Variants in LIMS4 observed in about 807,000 individuals in gnomAD.
LIMS4 encodes the protein LIM zinc finger domain containing 4.
At chr2:110,395,726 T>C in the LIMS4 span, among the ~76,000 whole-genome samples, 2 of 80,448 alleles carry the variant, frequency 2.5e-5, no homozygotes, top group African/African-American at 1.3e-4. Context: ...TCATGGGTGA[T>C]GGAACAGCCC....
At chr2:110,386,392 T>C in the LIMS4 span, 4 of 303,024 alleles carry the variant, frequency 1.3e-5, no homozygotes, top group Non-Finnish European at 2.1e-5. Flanking sequence ...CAGGGCATTT[T>C]TTTTTTCTAT....
At chr2:110,401,615 TTAA>T in the LIMS4 span, among the ~76,000 whole-genome samples, 4 of 134,114 alleles carry the variant, frequency 3.0e-5, no homozygotes, top group Admixed American at 3.1e-4. Flanking sequence ...AAACTAATGA[TTAA>T]TGATATTCAT....
chr2:110,386,700 G>T, the LIMS4 span: 12 of 788,188 alleles, frequency 1.5e-5, 3 homozygotes, highest in South Asian at 1.8e-4. Context: ...GGAATGGGCT[G>T]CCAAGGAGCG....
chr2:110,433,714 ATATTC>A, the LIMS4 span: 36 of 118,446 alleles, frequency 3.0e-4, no homozygotes, highest in African/African-American at 1.1e-3. Context: ...GAAAGGACAA[ATATTC>A]TAGGTCTATC....
At chr2:110,425,225 C>G in the LIMS4 span, among the ~76,000 whole-genome samples, 3 of 142,470 alleles carry the variant, frequency 2.1e-5, no homozygotes, top group Non-Finnish European at 4.5e-5. Context: ...GACCAGATCT[C>G]TTTAAAAAAA....
the LIMS4 span, among the ~76,000 whole-genome samples, chr2:110,424,696 A>G: frequency 2.8e-5 from 4 of 144,256 alleles, no homozygotes; most frequent in Non-Finnish European, 5.9e-5. Context: ...GCATTCTGGG[A>G]GGCCAAGGCG....
Position 110,447,478 on chromosome 2 carries a change from C to T in LIMS4, c.974-318G>A, listed in dbSNP as rs111799257. Among the ~76,000 whole-genome samples the T allele has an allele frequency of 6.3e-5, 2 of 31,674 alleles. 1 individual carries two copies. Among genetic ancestry groups the T allele is most frequent in the Admixed American group, 1.2e-3 (2 of 1,720 alleles). 20.8% of individuals were successfully genotyped at this position (31,674 alleles called of 152,430 possible). On this transcript the variant is annotated intron_variant, in intron 8 of 9. Coordinates refer to ENST00000632897, the MANE Select transcript of LIMS4 (RefSeq NM_001371340.3). ...ATTTTTTTTTTTTTTTTTTTTGAGA[C>T]AGAGTCTCGCTCTGTTGCCAGGCTG... is the stretch of plus-strand genomic sequence containing the variant.
At chr2:110,419,656 C>CAAAAAAAAAAAA in the LIMS4 span, among the ~76,000 whole-genome samples, 46 of 8,034 alleles carry the variant, frequency 5.7e-3, no homozygotes, top group Non-Finnish European at 6.7e-3. Flanking sequence ...ACAACAACAA[C>CAAAAAAAAAAAA]AAAAAAAAAA....
chr2:110,390,027 C>A, the LIMS4 span, among the ~76,000 whole-genome samples: 1 of 129,576 alleles, frequency 7.7e-6, no homozygotes, highest in Non-Finnish European at 1.6e-5. Flanking sequence ...CCAGGATGAG[C>A]CCCCTAGACT....
chr2:110,397,627 C>T, the LIMS4 span: 133 of 90,670 alleles, frequency 1.5e-3, no homozygotes, highest in Middle Eastern at 4.0e-3. Context: ...TCCATGTGCA[C>T]GAGGCACCAG....
the LIMS4 span, among the ~76,000 whole-genome samples, chr2:110,371,656 G>GA: frequency 7.1e-6 from 1 of 139,998 alleles, no homozygotes; most frequent in Non-Finnish European, 1.5e-5. Context: ...TGACTCATCA[G>GA]AAAAAGAAGA....
the LIMS4 span, among the ~76,000 whole-genome samples, chr2:110,365,297 T>C: frequency 6.6e-6 from 1 of 150,522 alleles, no homozygotes; most frequent in Non-Finnish European, 1.5e-5. Flanking sequence ...AAAAAACAAT[T>C]CTCAAAAAAT....
At chr2:110,397,417 A>T in the LIMS4 span, 1 of 146,852 alleles carries the variant, frequency 6.8e-6, no homozygotes. Flanking sequence ...GCTTCCTATA[A>T]TTGCTGTACA....
chr2:110,395,736 C>T, the LIMS4 span, among the ~76,000 whole-genome samples: 3 of 86,510 alleles, frequency 3.5e-5, no homozygotes, highest in Non-Finnish European at 6.6e-5. Flanking sequence ...TGGAACAGCC[C>T]TGGAGGCCAA....
the LIMS4 span, among the ~76,000 whole-genome samples, chr2:110,382,112 T>A: frequency 0.013 from 523 of 38,908 alleles, 1 homozygote; most frequent in Non-Finnish European, 0.017. Flanking sequence ...TATATATATA[T>A]ATATATATAT....
chr2:110,362,110 AG>A, the LIMS4 span: 1 of 840,158 alleles, frequency 1.2e-6, no homozygotes, highest in Non-Finnish European at 2.0e-6. Flanking sequence ...CTGGTTAGGA[AG>A]CAGCATCTGG....
chr2:110,397,499 C>T, the LIMS4 span: 1 of 111,812 alleles, frequency 8.9e-6, no homozygotes, highest in Non-Finnish European at 1.8e-5. Context: ...CAAAGAATAC[C>T]ACCAGTTGAA....
the LIMS4 span, among the ~76,000 whole-genome samples, chr2:110,382,124 TATATATATA>T: frequency 8.1e-5 from 8 of 98,212 alleles, no homozygotes; most frequent in African/African-American, 4.2e-4. Context: ...TATATATATA[TATATATATA>T]TATATATATA....
the LIMS4 span, among the ~76,000 whole-genome samples, chr2:110,379,275 C>T: frequency 6.6e-6 from 1 of 151,216 alleles, no homozygotes; most frequent in Non-Finnish European, 1.5e-5. Flanking sequence ...GATTGGTTGG[C>T]TGTTTGCTTA....
Sources: gnomAD v4.1 joint callset for allele counts (sites outside exome capture counted in the v4.1 genomes callset) on GRCh38, gnomAD v4.1.1 for gene constraint, MANE v1.5 for transcripts, NCBI Gene and HGNC (gene_info 2026-07-23, HGNC 2026-07-21) for gene names.